The following PRKCH variants were observed in gnomAD, a reference collection of about 807,000 sequenced individuals.
PRKCH encodes protein kinase C eta type.
A neutral mutation model predicts 82.5 loss-of-function variants in PRKCH; 28 were observed. The observed-to-expected ratio is 0.34, with a 90% CI of 0.25 to 0.47. The LOEUF is 0.47. Ranked by LOEUF, PRKCH falls within the 20% of genes least tolerant of loss-of-function variation. PRKCH has a pLI of 1.00. For synonymous variants in PRKCH, 322 were observed against 327.4 expected, an observed-to-expected ratio of 0.98 and a Z score of 0.18; for missense variants, 705 against 881.8, an observed-to-expected ratio of 0.80 and a Z score of 2.54.
intron 10 of PRKCH, among the ~76,000 whole-genome samples, chr14:61,491,917 T>A (rs529007031): frequency 6.6e-6 from 1 of 152,328 alleles, no homozygotes; most frequent in South Asian, 2.1e-4. Flanking sequence ...TGACTAGTGC[T>A]ATGAAGAGGA....
chr14:61,457,245 G>C lies in PRKCH; in HGVS notation c.1030G>C (p.Val344Leu), dbSNP rs751725441. The change falls in exon 8 of 14, where the codon GTT (valine) becomes CTT (leucine). Residue 344 changes from valine to leucine, a missense_variant. Coordinates refer to ENST00000332981, the MANE Select transcript of PRKCH (RefSeq NM_006255.5). ...ESSKEGNGIGVNSSNRLGIDN... is the reference protein window; with the variant it reads ...ESSKEGNGIGLNSSNRLGIDN... The stretch of plus-strand genomic sequence containing the variant: ...CAGCAAAGAAGGAAATGGGATTGGG[G>C]TTAATTCTTCCAACCGACTTGGTAT... The C allele has an allele frequency of 2.2e-5, 35 of 1,614,210 alleles. No individual in the cohort carries two copies. The highest frequency in any genetic ancestry group is 2.5e-5 in the Non-Finnish European group (30 of 1,180,038).
At chr14:61,421,645 C>A (rs1882839429) in intron 2 of PRKCH, among the ~76,000 whole-genome samples, 1 of 152,146 alleles carries the variant, frequency 6.6e-6, no homozygotes, top group African/African-American at 2.4e-5. Context: ...TTGTAGGTAC[C>A]TGAATGTGGC....
At chr14:61,265,661 C>T (rs1259515331) in intron 1 of PRKCH, among the ~76,000 whole-genome samples, 3 of 152,202 alleles carry the variant, frequency 2.0e-5, no homozygotes, top group African/African-American at 7.2e-5. Flanking sequence ...AAGCCCTACA[C>T]CAAATCATCT....
intron 10 of PRKCH, among the ~76,000 whole-genome samples, chr14:61,499,301 A>G (rs1680900327): frequency 6.6e-6 from 1 of 152,208 alleles, no homozygotes; most frequent in African/African-American, 2.4e-5. Context: ...TAGAAATGTG[A>G]AGTGGTACAA....
chr14:61,354,243 C>T (rs1353045917), intron 1 of PRKCH, among the ~76,000 whole-genome samples: 2 of 152,088 alleles, frequency 1.3e-5, no homozygotes, highest in Non-Finnish European at 2.9e-5. Flanking sequence ...CTATATTATT[C>T]TTAATTTTCA....
chr14:61,237,915 C>T (rs2044804444), intron 1 of PRKCH, among the ~76,000 whole-genome samples: 1 of 152,214 alleles, frequency 6.6e-6, no homozygotes, highest in South Asian at 2.1e-4. Context: ...GTCTTAGATA[C>T]TTTTTGGTTT....
At chr14:61,346,760 C>T (rs2045997747) in intron 1 of PRKCH, among the ~76,000 whole-genome samples, 1 of 152,186 alleles carries the variant, frequency 6.6e-6, no homozygotes, top group Non-Finnish European at 1.5e-5. Context: ...TGGGCAAATG[C>T]TTCACATCTT....
intron 2 of PRKCH, 46 bp downstream of exon 2, chr14:61,391,334 T>C: frequency 6.9e-7 from 1 of 1,457,006 alleles, no homozygotes; most frequent in Non-Finnish European, 9.4e-7. Flanking sequence ...GTAATCTTGG[T>C]TTACACTCAG....
At chr14:61,281,060 G>GCA (rs1306954474) in intron 1 of PRKCH, 1 of 1,520,998 alleles carries the variant, frequency 6.6e-7, no homozygotes, top group Admixed American at 2.1e-5. Context: ...CTGGCCGACA[G>GCA]CAGCGGCTGC....
At chr14:61,410,435 G>A (rs894445485) in intron 2 of PRKCH, among the ~76,000 whole-genome samples, 3 of 152,100 alleles carry the variant, frequency 2.0e-5, no homozygotes, top group Non-Finnish European at 4.4e-5. Context: ...ATATAAATCC[G>A]TTGGGCTGTT....
intron 10 of PRKCH, among the ~76,000 whole-genome samples, chr14:61,489,431 T>C (rs1886365439): frequency 1.3e-5 from 2 of 152,262 alleles, no homozygotes; most frequent in South Asian, 4.1e-4. Flanking sequence ...TGCCTGTGCC[T>C]GTGCAAGAGG....
At chr14:61,543,101 G>C (rs994048806) in intron 12 of PRKCH, among the ~76,000 whole-genome samples, 8 of 152,222 alleles carry the variant, frequency 5.3e-5, no homozygotes, top group African/African-American at 9.6e-5. Context: ...TGCAGAGCCT[G>C]ACCAGCCCTC....
chr14:61,321,896 C>T lies in PRKCH; in HGVS notation c.-206C>T, dbSNP rs1055260080. On this transcript the variant is annotated 5_prime_UTR_variant, in exon 1 of 14. Transcript: ENST00000332981. The surrounding 1 kb of genome is among the most constrained non-coding windows in gnomAD (Gnocchi z 4.1). ...GAGGGCTCGGCGGCGGGCTCCCCTCCTTTCCACCTCGGGAGGGAGGGAAGG... is the reference window on the plus strand; with the variant it reads ...GAGGGCTCGGCGGCGGGCTCCCCTCTTTTCCACCTCGGGAGGGAGGGAAGG... 13 of 526,116 alleles carry T rather than the reference C, an allele frequency of 2.5e-5. No homozygotes were observed. Among genetic ancestry groups the T allele is most frequent in the Non-Finnish European group, 4.0e-5 (12 of 300,912 alleles). The allele number at this position is 526,116 out of a possible 1,614,324, so 32.6% of individuals were successfully genotyped here.
At chr14:61,220,052 G>C (rs530088517) in intron 1 of PRKCH, among the ~76,000 whole-genome samples, 1 of 152,168 alleles carries the variant, frequency 6.6e-6, no homozygotes, top group Non-Finnish European at 1.5e-5. Context: ...CCAGCTCAGC[G>C]GTTCATGGGA....
At chr14:61,265,546 T>C (rs2140082670) in intron 1 of PRKCH, among the ~76,000 whole-genome samples, 1 of 152,228 alleles carries the variant, frequency 6.6e-6, no homozygotes, top group Non-Finnish European at 1.5e-5. Flanking sequence ...CTTTTCCAGG[T>C]CACATACTTA....
At chr14:61,207,698 T>G (rs533863918) in intron 1 of PRKCH, among the ~76,000 whole-genome samples, 1 of 152,368 alleles carries the variant, frequency 6.6e-6, no homozygotes, top group East Asian at 1.9e-4. Context: ...ACTTTATTCA[T>G]GCATCAACAT....
At chr14:61,391,660 A>T (rs928477777) in intron 2 of PRKCH, among the ~76,000 whole-genome samples, 1 of 152,064 alleles carries the variant, frequency 6.6e-6, no homozygotes, top group African/African-American at 2.4e-5. Context: ...AAATTTAGGG[A>T]TCCAGTTATC....
At chr14:61,301,704 G>A (rs534644603) in intron 1 of PRKCH, among the ~76,000 whole-genome samples, 41 of 152,260 alleles carry the variant, frequency 2.7e-4, no homozygotes, top group African/African-American at 8.9e-4. Context: ...AGCTGGGTGT[G>A]GTAGTGTGTG....
intron 1 of PRKCH, among the ~76,000 whole-genome samples, chr14:61,232,299 C>T (rs1293872670): frequency 6.6e-6 from 1 of 152,262 alleles, no homozygotes; most frequent in Non-Finnish European, 1.5e-5. Flanking sequence ...GATCTCGGCT[C>T]ACTGCAACCT....
Sources: allele counts gnomAD v4.1 joint callset (sites outside exome capture counted in the v4.1 genomes callset), GRCh38; gene constraint gnomAD v4.1.1; non-coding constraint Gnocchi (gnomAD v3.1); transcripts MANE v1.5; gene names NCBI Gene and HGNC (gene_info 2026-07-23, HGNC 2026-07-21).